ZNF430: variants seen among roughly 807,000 people sequenced by gnomAD.
The protein encoded by ZNF430 is zinc finger protein 430.
Under a neutral mutation model 56.7 loss-of-function variants are expected in ZNF430, and 35 were observed. The observed-to-expected ratio is 0.62, with a 90% CI of 0.47 to 0.82. The LOEUF (loss-of-function observed/expected upper bound fraction) is 0.82, where lower values mean the gene tolerates loss of function less well. Ranked by LOEUF, ZNF430 falls within the 40% of genes least tolerant of loss-of-function variation. The pLI is 0.00. For missense variants in ZNF430, 574 were observed against 661.0 expected (o/e 0.87, Z 1.44); for synonymous variants, 212 against 224.3 (o/e 0.94, Z 0.49).
At position 21,056,637 on chromosome 19, in the gene ZNF430, A is replaced by G. The variant is rs1599510868; in HGVS notation, c.329A>G (p.Tyr110Cys). 2.0e-6 allele frequency: 3 copies of G among 1,510,624 alleles called. No individual in the cohort carries two copies. The East Asian group carries it at 6.8e-5, about 34-fold the overall frequency. 93.6% of individuals were successfully genotyped at this position (1,510,624 alleles called of 1,614,324 possible). ...HAMVDQPPVTYSHFAQDLWPE... is the reference protein window; with the variant it reads ...HAMVDQPPVTCSHFAQDLWPE... ...TTATTTTTATTTCTTTCAGTTACAT[A>G]TTCTCATTTTGCCCAAGACCTTTGG... The change falls in exon 5 of 5, where the codon TAT becomes TGT. Residue 110 changes from tyrosine (Y) to cysteine (C), a missense_variant. Physicochemically the swap from Tyr to Cys is radical, Grantham distance 194. Around this residue, in one of 3 missense-constraint regions of ZNF430, gnomAD observed 346 missense variants for 399.1 expected, o/e 0.87. Transcript: ENST00000261560.
rs562827131 is a variant in ZNF430 at position 21,048,153 on chromosome 19, A to G, written c.323-8478A>G. 2.0e-4 allele frequency among the ~76,000 whole-genome samples: 29 copies of G among 141,474 alleles called. No individual in the cohort carries two copies. The East Asian group carries it at 6.1e-3, about 30-fold the overall frequency. 92.8% of individuals were successfully genotyped at this position (141,474 alleles called of 152,430 possible). A position where few individuals can be genotyped will look rare whatever the true frequency, so the allele number is the denominator to read the frequency against. On this transcript the variant is annotated intron_variant, in intron 4 of 4. Transcript: ENST00000261560. ...ATGTAATCATCTTAAAATGGAGATT[A>G]CATAAAACATCTTTTTTTTTTTTTT...
At chr19:21,030,395 G>A (rs899772450) in intron 2 of ZNF430, among the ~76,000 whole-genome samples, 3 of 152,138 alleles carry the variant, frequency 2.0e-5, no homozygotes, top group Non-Finnish European at 2.9e-5. Context: ...GTGTTATTAG[G>A]ATTAAATCAC....
intron 4 of ZNF430, among the ~76,000 whole-genome samples, chr19:21,041,775 A>G (rs1968106826): frequency 6.6e-6 from 1 of 152,156 alleles, no homozygotes; most frequent in Non-Finnish European, 1.5e-5. Flanking sequence ...GTGCTGTGGC[A>G]TGATCTCAGC....
At chr19:21,033,624 G>T (rs76746082) in intron 3 of ZNF430, 42 bp downstream of exon 3, 8 of 1,512,548 alleles carry the variant, frequency 5.3e-6, no homozygotes, top group South Asian at 1.3e-5. Context: ...ATACCCTAAA[G>T]GTTTCATTTC....
At chr19:21,023,201 C>A (rs1402210416) in intron 2 of ZNF430, among the ~76,000 whole-genome samples, 1 of 152,126 alleles carries the variant, frequency 6.6e-6, no homozygotes, top group Non-Finnish European at 1.5e-5. Flanking sequence ...AGTGTGGTAT[C>A]TCCTGAGTGG....
chr19:21,033,581 G>T lies in ZNF430; in HGVS notation c.222G>T (p.Leu74Phe), dbSNP rs1162782437. The T allele has an allele frequency of 6.2e-7, 1 of 1,605,228 alleles. No homozygotes were observed. Among genetic ancestry groups the T allele is most frequent in the Non-Finnish European group, 8.5e-7 (1 of 1,176,448 alleles). ...AGAACTACAGAAACCTGGTCTTCTT[G>T]GGTGAGAATAACTTTAGTACACAAT... ...MLENYRNLVFLAGIAVSKPDL... is the reference protein window; with the variant it reads ...MLENYRNLVFFAGIAVSKPDL... The change falls in exon 3 of 5, where the codon TTG (leucine) becomes TTT (phenylalanine). Residue 74 changes from leucine to phenylalanine, a missense_variant and splice_region_variant. Leu to Phe is a conservative substitution (Grantham distance 22). Transcript: ENST00000261560.
At chr19:21,040,425 C>A (rs1209743547) in intron 4 of ZNF430, among the ~76,000 whole-genome samples, 1 of 152,170 alleles carries the variant, frequency 6.6e-6, no homozygotes. Flanking sequence ...TACATTAATT[C>A]AAATGAGAGC....
In ZNF430 at chr19:21,059,560, A is replaced by C. The variant is rs1427135162; in HGVS notation, c.*1539A>C. 2 of 151,708 alleles carry C rather than the reference A, an allele frequency of 1.3e-5. No individual in the cohort carries two copies. Among genetic ancestry groups the C allele is most frequent in the South Asian group, 2.1e-4 (1 of 4,814 alleles). 9.4% of individuals were successfully genotyped at this position (151,708 alleles called of 1,614,324 possible). On this transcript the variant is annotated 3_prime_UTR_variant, in exon 5 of 5. Transcript: ENST00000261560. ...CTCCATTTCAAAAAAAAAAAAAAAA[A>C]AACAACTAAAGTTGGTAGAAAAATT... is the stretch of plus-strand genomic sequence containing the variant.
At chr19:21,052,040 G>A (rs28840098) in intron 4 of ZNF430, among the ~76,000 whole-genome samples, 2,339 of 152,110 alleles carry the variant, frequency 0.015, 67 homozygotes, top group African/African-American at 0.054. Context: ...CAGTATGGAC[G>A]TCTTCAAAAT....
rs188287956 is a variant in ZNF430, at chr19:21,039,226, G to A, written c.322+5042G>A. On this transcript the variant is annotated intron_variant, in intron 4 of 4. Coordinates refer to ENST00000261560, the MANE Select transcript of ZNF430 (RefSeq NM_025189.4). ...AGCCTCCTGAAGTGCTGGGATTACG[G>A]GCATGAGCCACCATGCTTGGCCTTA... Among the ~76,000 whole-genome samples the A allele has an allele frequency of 2.1e-3, 312 of 152,080 alleles. 4 individuals are homozygous for A. The highest frequency in any genetic ancestry group is 9.3e-4 in the Non-Finnish European group (63 of 67,986).
At chr19:21,024,094 T>C (rs1037966047) in intron 2 of ZNF430, among the ~76,000 whole-genome samples, 7 of 152,318 alleles carry the variant, frequency 4.6e-5, no homozygotes, top group African/African-American at 1.7e-4. Flanking sequence ...CTAAGGCTAA[T>C]ATTGAGCCTG....
In ZNF430 at chr19:21,020,761, A is replaced by C; in HGVS notation, c.-40A>C. On this transcript the variant is annotated 5_prime_UTR_variant, in exon 1 of 5. Coordinates refer to ENST00000261560, the MANE Select transcript of ZNF430 (RefSeq NM_025189.4). Reference sequence around the variant, plus strand: ...CCCTGTGACCCGCAGGTATTGGGAGATCTACAGCTAAGACGCCAGGAACCC... The same window carrying C: ...CCCTGTGACCCGCAGGTATTGGGAGCTCTACAGCTAAGACGCCAGGAACCC... 1.2e-6 allele frequency: 2 copies of C among 1,613,136 alleles called. No homozygotes were observed. Among genetic ancestry groups the C allele is most frequent in the Non-Finnish European group, 1.7e-6 (2 of 1,179,464 alleles).
chr19:21,055,099 C>T (rs1293550841), intron 4 of ZNF430, among the ~76,000 whole-genome samples: 1 of 151,716 alleles, frequency 6.6e-6, no homozygotes, highest in East Asian at 1.9e-4. Context: ...CTGTAGTTCT[C>T]TATGTTTCTG....
In ZNF430 at chr19:21,022,846, G is replaced by T; in HGVS notation, c.61G>T (p.Asp21Tyr). 1.2e-6 allele frequency: 2 copies of T among 1,613,984 alleles called. No individual in the cohort carries two copies. Among genetic ancestry groups the T allele is most frequent in the Non-Finnish European group, 8.5e-7 (1 of 1,179,868 alleles). ...GGAAGCAAGTGGATGCCCTGGGGCT[G>T]ACAGGAATCTTCTGGTGTACTCTTT... ...LKEASGCPGA[D>Y]RNLLVYSFYE... The change falls in exon 2 of 5, where the codon GAC becomes TAC. Residue 21 changes from aspartate to tyrosine, a missense_variant. Transcript: ENST00000261560.
chr19:21,039,307 C>T (rs1352452173), intron 4 of ZNF430, among the ~76,000 whole-genome samples: 7 of 149,826 alleles, frequency 4.7e-5, no homozygotes, highest in Non-Finnish European at 1.0e-4. Context: ...GTTGCCCATG[C>T]TAGTTTGGAA....
chr19:21,032,250 T>C lies in ZNF430; in HGVS notation c.97-1206T>C, dbSNP rs1431269445. On this transcript the variant is annotated intron_variant, in intron 2 of 4. Coordinates refer to ENST00000261560, the MANE Select transcript of ZNF430 (RefSeq NM_025189.4). ...AAATTATTAGGAGATACCTGCTCTC[T>C]AGGGTGCTAAAGAAAGACTACTTAA... Among the ~76,000 whole-genome samples the C allele has an allele frequency of 4.6e-5, 7 of 152,348 alleles. No homozygotes were observed. The East Asian group carries it at 1.4e-3, about 29-fold the overall frequency.
chr19:21,051,342 T>C (rs1407589865), intron 4 of ZNF430, among the ~76,000 whole-genome samples: 1 of 152,258 alleles, frequency 6.6e-6, no homozygotes, highest in Non-Finnish European at 1.5e-5. Context: ...TATTTTTATA[T>C]TTTAAATTAT....
intron 4 of ZNF430, 49 bp downstream of exon 4, chr19:21,034,233 A>G (rs1967954029): frequency 1.6e-6 from 2 of 1,276,980 alleles, no homozygotes; most frequent in Middle Eastern, 1.9e-4. Context: ...GGTCCAAAAA[A>G]GAAGAAAGCC....
chr19:21,046,340 T>G (rs1378452338), intron 4 of ZNF430, among the ~76,000 whole-genome samples: 5 of 150,708 alleles, frequency 3.3e-5, no homozygotes, highest in Non-Finnish European at 7.4e-5. Flanking sequence ...AAAAAAAGTT[T>G]AAGGTTAATA....
Sources: gnomAD v4.1 joint callset for allele counts (sites outside exome capture counted in the v4.1 genomes callset) on GRCh38, gnomAD v4.1.1 for gene constraint, gnomAD v4.1.1 regional missense constraint, MANE v1.5 for transcripts, NCBI Gene and HGNC (gene_info 2026-07-23, HGNC 2026-07-21) for gene names.